GSDMA: variants seen among roughly 807,000 people sequenced by gnomAD.
The protein encoded by GSDMA is gasdermin-A.
A neutral mutation model predicts 54.3 loss-of-function variants in GSDMA; 55 were observed. The ratio of observed to expected loss-of-function variants is 1.01; its 90% CI spans 0.82 to 1.27. The LOEUF is 1.27. GSDMA is among the 50% of genes most tolerant of loss of function. The probability of loss-of-function intolerance (pLI) is 0.00; values close to 1 mark genes in which losing one functional copy is unlikely to be tolerated. For missense variants in GSDMA, 542 were observed against 542.6 expected (o/e 1.00, Z 0.01); for synonymous variants, 211 against 224.7 (o/e 0.94, Z 0.54).
chr17:39,974,505 C>T lies in GSDMA; in HGVS notation c.906+78C>T, dbSNP rs992635801. ...GATTTGGTGGGGGCGGGTATTGCAG[C>T]AGGTAGGGAGATCTGACGGGGGCAG... On this transcript the variant is annotated intron_variant, in intron 9 of 11. Coordinates refer to ENST00000301659, the MANE Select transcript of GSDMA (RefSeq NM_178171.5). The T allele has an allele frequency of 2.8e-5, 40 of 1,435,160 alleles. No homozygotes were observed. The African/African-American group carries it at 5.2e-4, about 19-fold the overall frequency. The allele number at this position is 1,435,160 out of a possible 1,614,324, so 88.9% of individuals were successfully genotyped here.
chr17:39,971,668 A>C, intron 5 of GSDMA, 48 bp downstream of exon 5: 2 of 1,402,820 alleles, frequency 1.4e-6, no homozygotes, highest in Non-Finnish European at 2.0e-6. Flanking sequence ...AATTACCTGC[A>C]CCAGTACTGA....
rs1262864711 is a variant in GSDMA, at chr17:39,970,531, G to A, written c.442G>A (p.Glu148Lys). 1 of 1,604,414 alleles carries A rather than the reference G, an allele frequency of 6.2e-7. No individual in the cohort carries two copies. The highest frequency in any genetic ancestry group is 1.1e-5 in the South Asian group (1 of 90,050). Residue 148 changes from glutamate (E) to lysine (K), a missense_variant, in exon 4 of 12, where the codon GAG (glutamate) becomes AAG (lysine). Glu to Lys is a moderately conservative substitution (Grantham distance 56). Coordinates refer to ENST00000301659, the MANE Select transcript of GSDMA (RefSeq NM_178171.5). Reference sequence around the variant, plus strand: ...CCTGAAGGAGATGCAAGATCAAGGGGAGAACCTGTATGTGGTGATGGAGGT... The same window carrying A: ...CCTGAAGGAGATGCAAGATCAAGGGAAGAACCTGTATGTGGTGATGGAGGT... ...PFLKEMQDQG[E>K]NLYVVMEVVE...
chr17:39,972,138 A>G lies in GSDMA; in HGVS notation c.665A>G (p.His222Arg). Reference sequence around the variant, plus strand: ...CCCTTGCCCTTCACAGATATTCCACATATCTGCAATGATAACATGCAAACC... The same window carrying G: ...CCCTTGCCCTTCACAGATATTCCACGTATCTGCAATGATAACATGCAAACC... Reference protein sequence around the residue: ...VKGKDEWDIPHICNDNMQTFP... With the variant: ...VKGKDEWDIPRICNDNMQTFP... The change falls in exon 6 of 12, where the codon CAT becomes CGT. Residue 222 changes from histidine to arginine, a missense_variant. Transcript: ENST00000301659. 2 of 1,539,970 alleles carry G rather than the reference A, an allele frequency of 1.3e-6. No individual in the cohort carries two copies. The highest frequency in any genetic ancestry group is 2.3e-5 in the East Asian group (1 of 43,202).
At chr17:39,972,746 A>C (rs768462125) in intron 7 of GSDMA, 133 bp downstream of exon 7, 3 of 846,546 alleles carry the variant, frequency 3.5e-6, no homozygotes, top group Non-Finnish European at 5.8e-6. Flanking sequence ...TCCCCGAAAC[A>C]TGGCAGAAAT....
At chr17:39,969,104 C>A (rs1170598893) in intron 3 of GSDMA, among the ~76,000 whole-genome samples, 1 of 152,028 alleles carries the variant, frequency 6.6e-6, no homozygotes, top group Non-Finnish European at 1.5e-5. Flanking sequence ...TCCCGTAAGC[C>A]CAGCACTTTG....
In GSDMA at chr17:39,968,370, C is replaced by T. The variant is rs1051744060; in HGVS notation, c.392+1933C>T. On this transcript the variant is annotated intron_variant, in intron 3 of 11. Coordinates refer to ENST00000301659, the MANE Select transcript of GSDMA (RefSeq NM_178171.5). ...TTTTTTTTTTTTTTTTTTTTTGAGA[C>T]GGAGTCTCTCTCTGTTGCACAGGCT... is the stretch of plus-strand genomic sequence containing the variant. Among the ~76,000 whole-genome samples, 60 of 37,806 alleles carry T rather than the reference C, an allele frequency of 1.6e-3. 1 individual carries two copies. Among genetic ancestry groups the T allele is most frequent in the Admixed American group, 6.9e-3 (19 of 2,738 alleles). The allele number at this position is 37,806 out of a possible 152,430, so 24.8% of individuals were successfully genotyped here.
At chr17:39,965,459 C>T in intron 1 of GSDMA, 1 of 550,032 alleles carries the variant, frequency 1.8e-6, no homozygotes, top group South Asian at 2.3e-5. Flanking sequence ...ATCTGTGGGA[C>T]TTTGGGGCAA....
rs78954584 is a variant in GSDMA at position 39,968,898 on chromosome 17, A to G, written c.393-1584A>G. 5.4e-3 allele frequency among the ~76,000 whole-genome samples: 821 copies of G among 152,322 alleles called. 6 individuals are homozygous for G. The Middle Eastern group carries it at 0.065, about 12-fold the overall frequency. ...GGTGACAAACAGGAAGACACAGGTTAGAGGTAGATTTGGAGATTGTGAGTT... is the reference window on the plus strand; with the variant it reads ...GGTGACAAACAGGAAGACACAGGTTGGAGGTAGATTTGGAGATTGTGAGTT... On this transcript the variant is annotated intron_variant, in intron 3 of 11. Transcript: ENST00000301659.
chr17:39,973,638 C>A (rs1210299167), intron 7 of GSDMA, among the ~76,000 whole-genome samples, 172 bp from the exon 8 acceptor site: 1 of 152,046 alleles, frequency 6.6e-6, no homozygotes, highest in Non-Finnish European at 1.5e-5. Flanking sequence ...GGCCGCCCAG[C>A]AACTGGGGCC....
At chr17:39,975,463 G>A (rs541075864) in intron 10 of GSDMA, among the ~76,000 whole-genome samples, 88 of 141,546 alleles carry the variant, frequency 6.2e-4, no homozygotes, top group African/African-American at 2.3e-3. Flanking sequence ...AAAAAAAATT[G>A]GTTTCATTCC....
Position 39,966,446 on chromosome 17 carries a change from G to A in GSDMA, c.392+9G>A. On this transcript the variant is annotated intron_variant, in intron 3 of 11. Transcript: ENST00000301659. The stretch of plus-strand genomic sequence containing the variant: ...GAGACCGTGCAGGAGAGGTGAGAGT[G>A]GGCGGGACTGAGGGTCTCCCGGGAT... The A allele has an allele frequency of 6.3e-6, 10 of 1,588,298 alleles. No homozygotes were observed. Among genetic ancestry groups the A allele is most frequent in the Non-Finnish European group, 8.6e-6 (10 of 1,169,526 alleles).
chr17:39,973,507 C>T (rs1277605287), intron 7 of GSDMA, among the ~76,000 whole-genome samples: 1 of 152,042 alleles, frequency 6.6e-6, no homozygotes, highest in Non-Finnish European at 1.5e-5. Flanking sequence ...GGTGATCCTC[C>T]CACCTTGGCC....
intron 1 of GSDMA, among the ~76,000 whole-genome samples, chr17:39,964,430 G>A (rs1409852116): frequency 3.3e-5 from 5 of 152,058 alleles, no homozygotes; most frequent in African/African-American, 4.8e-5. Context: ...TTAGCCAGGC[G>A]TGGTGGCACA....
chr17:39,971,556 C>T lies in GSDMA; in HGVS notation c.591C>T (p.Ile197=). ...GSINHKEAVT[I]PKGCVLAFRV... is the part of the protein sequence containing the mutation. ...TAAATCACAAGGAGGCTGTAACCAT[C>T]CCCAAGGGCTGCGTCCTGGCCTTTC... The change falls in exon 5 of 12, where the codon ATC becomes ATT. Residue 197 remains isoleucine (I), a synonymous_variant. Transcript: ENST00000301659. The T allele has an allele frequency of 6.2e-7, 1 of 1,613,804 alleles. No individual in the cohort carries two copies. Among genetic ancestry groups the T allele is most frequent in the South Asian group, 1.1e-5 (1 of 91,070 alleles).
At chr17:39,963,438 G>A (rs529683967) in intron 1 of GSDMA, among the ~76,000 whole-genome samples, 16 of 152,274 alleles carry the variant, frequency 1.1e-4, no homozygotes, top group Non-Finnish European at 1.8e-4. Context: ...GCCTGTGGTG[G>A]ATGTGGGATG....
In GSDMA at chr17:39,977,053, T is replaced by G. The variant is rs777806080; in HGVS notation, c.1333T>G (p.Ser445Ala). 3 of 1,613,636 alleles carry G rather than the reference T, an allele frequency of 1.9e-6. No homozygotes were observed. In the African/African-American group the frequency reaches 4.0e-5, roughly 22 times the overall value. ...LSLLQQLTKA[S>A] Reference sequence around the variant, plus strand: ...TCTCCTTCAGCAGCTTACCAAGGCCTCCTAATTTGCCTTTTACGTCTGCTT... The same window carrying G: ...TCTCCTTCAGCAGCTTACCAAGGCCGCCTAATTTGCCTTTTACGTCTGCTT... The change falls in exon 12 of 12, where the codon TCC (serine) becomes GCC (alanine). Residue 445 changes from serine (S) to alanine (A), a missense_variant. Coordinates refer to ENST00000301659, the MANE Select transcript of GSDMA (RefSeq NM_178171.5).
rs1980064910 is a variant in GSDMA, at chr17:39,973,706, A to G, written c.731-104A>G. Reference sequence around the variant, plus strand: ...AGGTAGCTGGGCTCTCCCAGGAGACAGGCAGGATGTATTTCCTCATCTTCC... The same window carrying G: ...AGGTAGCTGGGCTCTCCCAGGAGACGGGCAGGATGTATTTCCTCATCTTCC... On this transcript the variant is annotated intron_variant, in intron 7 of 11. Transcript: ENST00000301659. The G allele has an allele frequency of 4.3e-6, 4 of 920,888 alleles. No homozygotes were observed. The East Asian group carries it at 1.0e-4, about 24-fold the overall frequency. 57.0% of individuals were successfully genotyped at this position (920,888 alleles called of 1,614,324 possible). A position where few individuals can be genotyped will look rare whatever the true frequency, so the allele number is the denominator to read the frequency against.
chr17:39,974,309 A>T lies in GSDMA; in HGVS notation c.788A>T (p.Glu263Val), dbSNP rs778189019. 3 of 1,611,322 alleles carry T rather than the reference A, an allele frequency of 1.9e-6. No individual in the cohort carries two copies. Among genetic ancestry groups the T allele is most frequent in the African/African-American group, 2.7e-5 (2 of 74,888 alleles). The change falls in exon 9 of 12, where the codon GAA (glutamate) becomes GTA (valine). Residue 263 changes from glutamate (E) to valine (V), a missense_variant. Transcript: ENST00000301659. ...VHEGFRTLKEEVQRETQQVEK... is the reference protein window; with the variant it reads ...VHEGFRTLKEVVQRETQQVEK... ...GAAGGCTTCAGGACACTAAAAGAAG[A>T]AGTTCAGAGAGAGACCCAACAAGTG... is the stretch of plus-strand genomic sequence containing the variant.
In GSDMA at chr17:39,966,814, A is replaced by G. The variant is rs78781865; in HGVS notation, c.392+377A>G. Among the ~76,000 whole-genome samples, 1,181 of 152,304 alleles carry G rather than the reference A, an allele frequency of 7.8e-3. 16 individuals carry two copies. Among genetic ancestry groups the G allele is most frequent in the African/African-American group, 0.027 (1,120 of 41,556 alleles). Reference sequence around the variant, plus strand: ...GCTCCTTCTAACTCTAAGACTATGCAATACACTAGAAAAAGGAGGGATGTG... The same window carrying G: ...GCTCCTTCTAACTCTAAGACTATGCGATACACTAGAAAAAGGAGGGATGTG... On this transcript the variant is annotated intron_variant, in intron 3 of 11. Coordinates refer to ENST00000301659, the MANE Select transcript of GSDMA (RefSeq NM_178171.5).
Sources: allele counts gnomAD v4.1 joint callset (sites outside exome capture counted in the v4.1 genomes callset), GRCh38; gene constraint gnomAD v4.1.1; transcripts MANE v1.5; gene names NCBI Gene and HGNC (gene_info 2026-07-23, HGNC 2026-07-21).